Variants in CFAP299 observed in about 807,000 individuals in gnomAD.
CFAP299 encodes the protein cilia and flagella associated protein 299, also known as cilia- and flagella-associated protein 299.
CFAP299 carries 21 observed loss-of-function variants against 27.0 expected under a neutral mutation model. That is an observed-to-expected ratio of 0.78 (90% CI 0.55 to 1.12). The LOEUF (loss-of-function observed/expected upper bound fraction) is 1.12, where lower values mean the gene tolerates loss of function less well. Ranked by LOEUF, CFAP299 falls within the 50% of genes most tolerant of loss-of-function variation. The probability of loss-of-function intolerance (pLI) is 0.00; values close to 1 mark genes in which losing one functional copy is unlikely to be tolerated. For missense variants in CFAP299, 310 were observed against 276.6 expected, an observed-to-expected ratio of 1.12 and a Z score of -0.86; for synonymous variants, 104 against 98.1, an observed-to-expected ratio of 1.06 and a Z score of -0.36.
chr4:80,456,696 A>G (rs1241138988), intron 2 of CFAP299, among the ~76,000 whole-genome samples: 3 of 152,208 alleles, frequency 2.0e-5, no homozygotes, highest in African/African-American at 4.8e-5. Context: ...AAGAAATCCA[A>G]GTAAAGATGT....
At chr4:80,626,585 T>C (rs2109939522) in intron 3 of CFAP299, among the ~76,000 whole-genome samples, 1 of 151,748 alleles carries the variant, frequency 6.6e-6, no homozygotes, top group Non-Finnish European at 1.5e-5. Context: ...AAAATATATA[T>C]TTTTGAAAAG....
intron 3 of CFAP299, among the ~76,000 whole-genome samples, chr4:80,737,754 A>G (rs1002452572): frequency 2.0e-5 from 3 of 152,090 alleles, no homozygotes; most frequent in African/African-American, 4.8e-5. Flanking sequence ...AGAAGAAAAA[A>G]ATTAAAAAGA....
intron 4 of CFAP299, among the ~76,000 whole-genome samples, chr4:80,906,387 C>T (rs1735188047): frequency 6.6e-6 from 1 of 152,204 alleles, no homozygotes; most frequent in Non-Finnish European, 1.5e-5. Context: ...TTTCCAGGTG[C>T]ATGGTGCAAG....
chr4:80,851,297 T>TC (rs1731508391), intron 3 of CFAP299, among the ~76,000 whole-genome samples: 1 of 152,152 alleles, frequency 6.6e-6, no homozygotes, highest in Non-Finnish European at 1.5e-5. Flanking sequence ...CAACAAATAT[T>TC]TTTAAGCATC....
chr4:80,386,724 T>C lies in CFAP299; in HGVS notation c.242+23840T>C, dbSNP rs544364828. On this transcript the variant is annotated intron_variant, in intron 2 of 5. Coordinates refer to ENST00000358105, the MANE Select transcript of CFAP299 (RefSeq NM_152770.3). ...CACAGGGCGCATTTGTGGAGCTTCA[T>C]GCCGGAGTGGGAGAGGACATGGGCC... 9.6e-6 allele frequency: 15 copies of C among 1,562,640 alleles called. No individual in the cohort carries two copies. The South Asian group carries it at 1.7e-4, about 18-fold the overall frequency.
intron 4 of CFAP299, among the ~76,000 whole-genome samples, chr4:80,899,756 T>C (rs1371702076): frequency 1.3e-5 from 2 of 152,208 alleles, no homozygotes; most frequent in Non-Finnish European, 2.9e-5. Flanking sequence ...GTTCAAATCC[T>C]GGCTCTGCTT....
intron 3 of CFAP299, among the ~76,000 whole-genome samples, chr4:80,633,166 G>A (rs1008043780): frequency 8.5e-5 from 13 of 152,092 alleles, no homozygotes; most frequent in Admixed American, 7.9e-4. Context: ...ATGTGAAAGT[G>A]GGCCGGGTGT....
chr4:80,607,334 G>T (rs935354259), intron 3 of CFAP299, among the ~76,000 whole-genome samples: 3 of 152,042 alleles, frequency 2.0e-5, no homozygotes, highest in Admixed American at 2.0e-4. Flanking sequence ...ATAGAGTCTT[G>T]TTGGTTCATG....
At chr4:80,757,845 C>T (rs1725328003) in intron 3 of CFAP299, among the ~76,000 whole-genome samples, 2 of 152,202 alleles carry the variant, frequency 1.3e-5, no homozygotes, top group South Asian at 4.1e-4. Flanking sequence ...CTGGACCTAG[C>T]TGGGTGCTTC....
At chr4:80,740,901 G>A (rs1011036704) in intron 3 of CFAP299, among the ~76,000 whole-genome samples, 3 of 152,066 alleles carry the variant, frequency 2.0e-5, no homozygotes. Flanking sequence ...TCAGCTTGTG[G>A]CGAATGCTGC....
At chr4:80,670,179 C>T (rs963704234) in intron 3 of CFAP299, among the ~76,000 whole-genome samples, 5 of 151,888 alleles carry the variant, frequency 3.3e-5, no homozygotes, top group South Asian at 2.1e-4. Context: ...TGATGTTCCC[C>T]GCCCTATGTC....
intron 3 of CFAP299, among the ~76,000 whole-genome samples, chr4:80,631,422 T>A (rs1739199332): frequency 2.0e-5 from 3 of 152,076 alleles, no homozygotes; most frequent in Non-Finnish European, 4.4e-5. Flanking sequence ...AGTCTAGAAA[T>A]TGGTAAATAT....
At chr4:80,962,980 A>T (rs1041185035) in intron 5 of CFAP299, among the ~76,000 whole-genome samples, 6 of 151,924 alleles carry the variant, frequency 3.9e-5, no homozygotes, top group Admixed American at 6.6e-5. Flanking sequence ...AATTTTTTTT[A>T]AAAAAGATGA....
At chr4:80,353,016 C>G (rs910815943) in intron 1 of CFAP299, among the ~76,000 whole-genome samples, 1 of 151,908 alleles carries the variant, frequency 6.6e-6, no homozygotes, top group Non-Finnish European at 1.5e-5. Context: ...AGCTTTAAAA[C>G]AATACAAATT....
At chr4:80,881,547 C>T (rs1021968761) in intron 4 of CFAP299, among the ~76,000 whole-genome samples, 1 of 144,088 alleles carries the variant, frequency 6.9e-6, no homozygotes, top group South Asian at 2.2e-4. Context: ...ACAGTGTGCT[C>T]CTTGTTGAGT....
chr4:80,713,492 C>T (rs991092942), intron 3 of CFAP299, among the ~76,000 whole-genome samples: 3 of 152,198 alleles, frequency 2.0e-5, no homozygotes, highest in African/African-American at 7.2e-5. Context: ...TTAGAAGAAT[C>T]CCACAAAGAC....
At chr4:80,914,609 A>G (rs1302282785) in intron 4 of CFAP299, among the ~76,000 whole-genome samples, 1 of 152,164 alleles carries the variant, frequency 6.6e-6, no homozygotes, top group African/African-American at 2.4e-5. Flanking sequence ...TTGTGGTTTT[A>G]ATTTACATTT....
chr4:80,738,018 T>C (rs1434699444), intron 3 of CFAP299, among the ~76,000 whole-genome samples: 2 of 152,144 alleles, frequency 1.3e-5, no homozygotes, highest in Non-Finnish European at 2.9e-5. Flanking sequence ...TGTTTAATTC[T>C]AGTGTGTTTG....
chr4:80,531,712 G>A (rs1018038641), intron 2 of CFAP299, among the ~76,000 whole-genome samples: 1 of 151,182 alleles, frequency 6.6e-6, no homozygotes, highest in African/African-American at 2.4e-5. Flanking sequence ...ATCTAGGTGT[G>A]GCTGTGTGAC....
Sources: allele counts gnomAD v4.1 joint callset (sites outside exome capture counted in the v4.1 genomes callset), GRCh38; gene constraint gnomAD v4.1.1; transcripts MANE v1.5; gene names NCBI Gene and HGNC (gene_info 2026-07-23, HGNC 2026-07-21).